Variants in NALF1 observed in about 807,000 individuals in gnomAD.
NALF1 encodes NALCN channel auxiliary factor 1.
NALF1 carries 3 observed loss-of-function variants against 48.4 expected under a neutral mutation model. That is an observed-to-expected ratio of 0.06 (90% CI 0.03 to 0.16). The LOEUF is 0.16. Among genes scored for constraint, NALF1 ranks in the 10% least tolerant of loss-of-function variants. NALF1 has a pLI of 1.00. For synonymous variants in NALF1, 262 were observed against 245.7 expected (o/e 1.07, Z -0.62); for missense variants, 526 against 571.5 (o/e 0.92, Z 0.81).
chr13:107,792,449 C>G (rs1045534796), intron 1 of NALF1, among the ~76,000 whole-genome samples: 31 of 152,124 alleles, frequency 2.0e-4, no homozygotes, highest in African/African-American at 7.2e-4. Flanking sequence ...CTTTATAAAA[C>G]ACAAATTTGT....
chr13:107,692,787 A>C (rs1022069453), intron 1 of NALF1, among the ~76,000 whole-genome samples: 4 of 152,148 alleles, frequency 2.6e-5, no homozygotes, highest in Admixed American at 2.6e-4. Context: ...AACAATATCT[A>C]CTCACTATGG....
chr13:107,290,404 TTG>T (rs1173921991), intron 1 of NALF1, among the ~76,000 whole-genome samples: 3 of 152,160 alleles, frequency 2.0e-5, no homozygotes, highest in African/African-American at 7.2e-5. Flanking sequence ...TTACTATGTG[TTG>T]TGAGAGGGAC....
At chr13:107,616,301 CT>C (rs1879377963) in intron 1 of NALF1, among the ~76,000 whole-genome samples, 1 of 152,172 alleles carries the variant, frequency 6.6e-6, no homozygotes, top group Non-Finnish European at 1.5e-5. Flanking sequence ...TGTCAACACG[CT>C]TTCCTAATGA....
intron 1 of NALF1, among the ~76,000 whole-genome samples, chr13:107,818,700 G>A (rs1006611741): frequency 6.0e-5 from 9 of 149,186 alleles, no homozygotes; most frequent in Non-Finnish European, 1.0e-4. Context: ...GTGAAACCCC[G>A]TCTCTACTAA....
chr13:107,809,997 C>CT (rs1878938269), intron 1 of NALF1, among the ~76,000 whole-genome samples: 1 of 152,054 alleles, frequency 6.6e-6, no homozygotes. Flanking sequence ...TATTTTACCA[C>CT]TTTTTCCCCT....
At chr13:107,337,913 A>C (rs1198052162) in intron 1 of NALF1, among the ~76,000 whole-genome samples, 1 of 152,200 alleles carries the variant, frequency 6.6e-6, no homozygotes, top group East Asian at 1.9e-4. Flanking sequence ...AGAAATATAC[A>C]TCCCTACCAC....
chr13:107,785,547 G>A (rs956277574), intron 1 of NALF1, among the ~76,000 whole-genome samples: 2 of 152,138 alleles, frequency 1.3e-5, no homozygotes, highest in African/African-American at 4.8e-5. Flanking sequence ...GGACTTGCGG[G>A]GAAGGGTGAG....
At chr13:107,408,339 C>T (rs1242217148) in intron 1 of NALF1, among the ~76,000 whole-genome samples, 2 of 151,982 alleles carry the variant, frequency 1.3e-5, no homozygotes, top group South Asian at 2.1e-4. Flanking sequence ...CCCATTTACC[C>T]TGATGTGATT....
intron 1 of NALF1, among the ~76,000 whole-genome samples, chr13:107,844,762 C>G (rs528232043): frequency 6.6e-6 from 1 of 152,154 alleles, no homozygotes; most frequent in East Asian, 1.9e-4. Context: ...CATTGTGATC[C>G]AGCATGACTT....
At chr13:107,727,339 C>T (rs2138532773) in intron 1 of NALF1, among the ~76,000 whole-genome samples, 2 of 152,124 alleles carry the variant, frequency 1.3e-5, no homozygotes, top group South Asian at 4.2e-4. Flanking sequence ...TGAGTTATTC[C>T]CAAAAAGTCT....
At chr13:107,255,414 C>T (rs1022399118) in intron 1 of NALF1, among the ~76,000 whole-genome samples, 10 of 152,136 alleles carry the variant, frequency 6.6e-5, no homozygotes, top group Non-Finnish European at 1.0e-4. Context: ...GTCTCTGTGA[C>T]TGCTGAGGAT....
intron 1 of NALF1, among the ~76,000 whole-genome samples, chr13:107,474,767 T>A (rs1419945921): frequency 6.6e-6 from 1 of 152,210 alleles, no homozygotes; most frequent in African/African-American, 2.4e-5. Flanking sequence ...CATGGAAGTT[T>A]TTTTTGTTAA....
chr13:107,602,259 A>G (rs1878950716), intron 1 of NALF1, among the ~76,000 whole-genome samples: 1 of 152,206 alleles, frequency 6.6e-6, no homozygotes, highest in Admixed American at 6.5e-5. Context: ...AAAAATCTAT[A>G]TACTCAGATC....
intron 1 of NALF1, among the ~76,000 whole-genome samples, chr13:107,742,028 A>G (rs889831335): frequency 2.0e-5 from 3 of 152,166 alleles, no homozygotes; most frequent in Non-Finnish European, 4.4e-5. Context: ...AATATCCATT[A>G]CATATGTTTA....
At chr13:107,393,606 A>G (rs1431635052) in intron 1 of NALF1, among the ~76,000 whole-genome samples, 1 of 152,204 alleles carries the variant, frequency 6.6e-6, no homozygotes, top group African/African-American at 2.4e-5. Context: ...TCTCCCTTCA[A>G]TAGAAATGAA....
chr13:107,596,095 G>T (rs1878737693), intron 1 of NALF1, among the ~76,000 whole-genome samples: 1 of 152,184 alleles, frequency 6.6e-6, no homozygotes, highest in East Asian at 1.9e-4. Context: ...TTCAGTGGAG[G>T]AGGAATGATC....
intron 1 of NALF1, among the ~76,000 whole-genome samples, chr13:107,784,204 C>G (rs1224939590): frequency 6.6e-6 from 1 of 152,184 alleles, no homozygotes; most frequent in African/African-American, 2.4e-5. Flanking sequence ...AGCGAAATAA[C>G]TACTGCCCCG....
At chr13:107,345,815 C>T (rs1226254186) in intron 1 of NALF1, among the ~76,000 whole-genome samples, 1 of 152,100 alleles carries the variant, frequency 6.6e-6, no homozygotes, top group African/African-American at 2.4e-5. Flanking sequence ...AAACTTACAC[C>T]TATGGATTGA....
chr13:107,773,379 A>G (rs1877632559), intron 1 of NALF1, among the ~76,000 whole-genome samples: 2 of 152,148 alleles, frequency 1.3e-5, no homozygotes, highest in South Asian at 4.1e-4. Flanking sequence ...TGCAGAAAAG[A>G]CTAATGTCTT....
Sources: allele counts gnomAD v4.1 joint callset (sites outside exome capture counted in the v4.1 genomes callset), GRCh38; gene constraint gnomAD v4.1.1; transcripts MANE v1.5; gene names NCBI Gene and HGNC (gene_info 2026-07-23, HGNC 2026-07-21).